THSD7A: variants seen among roughly 807,000 people sequenced by gnomAD.
The protein encoded by THSD7A is thrombospondin type-1 domain-containing protein 7A.
A neutral mutation model predicts 231.3 loss-of-function variants in THSD7A; 96 were observed. The ratio of observed to expected loss-of-function variants is 0.41; its 90% confidence interval spans 0.35 to 0.49. The LOEUF is 0.49. THSD7A is among the 20% of genes least tolerant of loss of function. The probability of loss-of-function intolerance (pLI) is 0.05; values close to 1 mark genes in which losing one functional copy is unlikely to be tolerated. For synonymous variants in THSD7A, 940 were observed against 743.3 expected, an observed-to-expected ratio of 1.26 and a Z score of -4.30; for missense variants, 2,290 against 2,070.2, an observed-to-expected ratio of 1.11 and a Z score of -2.06.
At chr7:11,550,124 G>T (rs140794539) in intron 4 of THSD7A, among the ~76,000 whole-genome samples, 1 of 151,964 alleles carries the variant, frequency 6.6e-6, no homozygotes, top group South Asian at 2.1e-4. Context: ...GACCTGATAA[G>T]ACACTTCAGC....
At chr7:11,830,183 C>A (rs1025783565) in intron 1 of THSD7A, among the ~76,000 whole-genome samples, 3 of 152,200 alleles carry the variant, frequency 2.0e-5, no homozygotes, top group Admixed American at 1.3e-4. Flanking sequence ...CCTACCATGA[C>A]ATTTATGATG....
intron 1 of THSD7A, among the ~76,000 whole-genome samples, chr7:11,703,265 T>A (rs1780662375): frequency 6.6e-6 from 1 of 151,240 alleles, no homozygotes; most frequent in Non-Finnish European, 1.5e-5. Flanking sequence ...ATTTGCCTAA[T>A]AACAGACGTA....
At chr7:11,707,262 C>T (rs1780799827) in intron 1 of THSD7A, among the ~76,000 whole-genome samples, 1 of 150,888 alleles carries the variant, frequency 6.6e-6, no homozygotes, top group Non-Finnish European at 1.5e-5. Flanking sequence ...CTGTAAATCA[C>T]AGCAGTCACA....
At chr7:11,602,354 C>A (rs1780582530) in intron 2 of THSD7A, among the ~76,000 whole-genome samples, 1 of 151,884 alleles carries the variant, frequency 6.6e-6, no homozygotes, top group East Asian at 1.9e-4. Flanking sequence ...TTCAATACCC[C>A]AAACCTTTCA....
At chr7:11,752,058 T>C (rs934996381) in intron 1 of THSD7A, among the ~76,000 whole-genome samples, 1 of 152,072 alleles carries the variant, frequency 6.6e-6, no homozygotes, top group African/African-American at 2.4e-5. Context: ...CATCAAATAT[T>C]TATTGAGAGA....
chr7:11,760,438 CTGTTCCTCATTATGTGAA>C (rs751927069), intron 1 of THSD7A, among the ~76,000 whole-genome samples: 7 of 152,176 alleles, frequency 4.6e-5, no homozygotes, highest in East Asian at 1.9e-4. Flanking sequence ...GTAAGAATGG[CTGTTCCTCATTATGTGAA>C]TGTTCCTCAT....
At chr7:11,821,715 C>A (rs1784881522) in intron 1 of THSD7A, among the ~76,000 whole-genome samples, 1 of 152,128 alleles carries the variant, frequency 6.6e-6, no homozygotes, top group African/African-American at 2.4e-5. Flanking sequence ...TGACTTGGAA[C>A]CTCCTACAAA....
chr7:11,799,537 T>G (rs1342956533), intron 1 of THSD7A, among the ~76,000 whole-genome samples: 1 of 152,144 alleles, frequency 6.6e-6, no homozygotes, highest in African/African-American at 2.4e-5. Context: ...TAGAAAGTAA[T>G]TTTTTTATTC....
chr7:11,807,615 C>T (rs919280509), intron 1 of THSD7A, among the ~76,000 whole-genome samples: 9 of 152,074 alleles, frequency 5.9e-5, no homozygotes, highest in Non-Finnish European at 2.9e-5. Flanking sequence ...AAGTCCCAAA[C>T]TTATTTTGAA....
At chr7:11,562,279 C>T (rs1790107491) in intron 4 of THSD7A, among the ~76,000 whole-genome samples, 1 of 151,984 alleles carries the variant, frequency 6.6e-6, no homozygotes, top group South Asian at 2.1e-4. Flanking sequence ...AAAAATATAT[C>T]TTTGAATTCT....
chr7:11,406,897 T>A lies in THSD7A; in HGVS notation c.4062+13A>T, dbSNP rs1474342187. The A allele has an allele frequency of 6.3e-7, 1 of 1,594,720 alleles. No homozygotes were observed. The highest frequency in any genetic ancestry group is 1.1e-5 in the South Asian group (1 of 90,660). On this transcript the variant is annotated intron_variant, in intron 21 of 27. Transcript: ENST00000423059. The surrounding 1 kb of genome is among the most constrained non-coding windows in gnomAD (Gnocchi z 4.7). ...GAGTACACACTTCCTGACAACTTCTTGAGATTTGATACCTGCACTTGGCAT... is the reference window on the plus strand; with the variant it reads ...GAGTACACACTTCCTGACAACTTCTAGAGATTTGATACCTGCACTTGGCAT...
intron 6 of THSD7A, among the ~76,000 whole-genome samples, chr7:11,484,921 C>T (rs1023038953): frequency 1.6e-4 from 17 of 103,712 alleles, no homozygotes; most frequent in Non-Finnish European, 2.7e-4. Flanking sequence ...GACGGAGTCT[C>T]ACTCTGTTGC....
intron 1 of THSD7A, among the ~76,000 whole-genome samples, chr7:11,744,777 T>A (rs549148119): frequency 2.0e-5 from 3 of 152,144 alleles, no homozygotes; most frequent in East Asian, 3.9e-4. Flanking sequence ...GAACTCATCC[T>A]TTTTTATGGC....
chr7:11,436,861 T>TGGATAAATTTGGATAA (rs1562608048), intron 13 of THSD7A, among the ~76,000 whole-genome samples: 1 of 152,036 alleles, frequency 6.6e-6, no homozygotes, highest in African/African-American at 2.4e-5. Context: ...GGGAAAGTGT[T>TGGATAAATTTGGATAA]ATTTGGATAA....
At chr7:11,638,139 G>C (rs1781942213) in intron 1 of THSD7A, among the ~76,000 whole-genome samples, 1 of 152,110 alleles carries the variant, frequency 6.6e-6, no homozygotes, top group South Asian at 2.1e-4. Context: ...TGTATTATTA[G>C]TTTTATTCAC....
intron 23 of THSD7A, among the ~76,000 whole-genome samples, chr7:11,383,641 G>A (rs555655137): frequency 7.2e-5 from 11 of 151,876 alleles, no homozygotes; most frequent in South Asian, 6.2e-4. Flanking sequence ...TAGTCTTTTG[G>A]GTATGGAAAG....
intron 16 of THSD7A, among the ~76,000 whole-genome samples, chr7:11,419,107 A>C (rs930564363): frequency 6.6e-6 from 1 of 152,194 alleles, no homozygotes; most frequent in Admixed American, 6.5e-5. Context: ...ATATGCAAGG[A>C]TTAACTTGTA....
In THSD7A at chr7:11,401,828, G is replaced by T. The variant is rs892473253; in HGVS notation, c.4378C>A (p.Pro1460Thr). 5.6e-6 allele frequency: 9 copies of T among 1,613,358 alleles called. No individual in the cohort carries two copies. In the African/African-American group the frequency reaches 8.0e-5, roughly 14 times the overall value. ...IQELENQHLCPEQMLETKSCY... is the reference protein window; with the variant it reads ...IQELENQHLCTEQMLETKSCY... ...GATTTTGTTTCTAACATCTGCTCTGGGCACAGATGCTGATTCTCTAGTTCT... is the reference window on the plus strand; with the variant it reads ...GATTTTGTTTCTAACATCTGCTCTGTGCACAGATGCTGATTCTCTAGTTCT... The change falls in exon 23 of 28, where the codon CCA becomes ACA. Residue 1460 changes from proline to threonine, a missense_variant. Pro to Thr is a conservative substitution (Grantham distance 38). Coordinates refer to ENST00000423059, the MANE Select transcript of THSD7A (RefSeq NM_015204.3).
intron 1 of THSD7A, among the ~76,000 whole-genome samples, chr7:11,649,563 G>A (rs992577675): frequency 6.6e-6 from 1 of 152,020 alleles, no homozygotes; most frequent in Admixed American, 6.6e-5. Flanking sequence ...GAAGGACGAT[G>A]ATGAGTGTGT....
Sources: gnomAD v4.1 joint callset for allele counts (sites outside exome capture counted in the v4.1 genomes callset) on GRCh38, gnomAD v4.1.1 for gene constraint, Gnocchi (gnomAD v3.1) non-coding constraint, MANE v1.5 for transcripts, NCBI Gene and HGNC (gene_info 2026-07-23, HGNC 2026-07-21) for gene names.